Variants in NXN observed in about 807,000 individuals in gnomAD.
NXN encodes the protein nucleoredoxin 1.
A neutral mutation model predicts 48.6 loss-of-function variants in NXN; 16 were observed. The ratio of observed to expected loss-of-function variants is 0.33; its 90% CI spans 0.22 to 0.50. NXN has a LOEUF of 0.50. NXN is among the 20% of genes least tolerant of loss of function. The pLI is 0.98. For missense variants in NXN, 492 were observed against 605.5 expected (o/e 0.81, Z 1.97); for synonymous variants, 281 against 269.6 (o/e 1.04, Z -0.41).
chr17:843,413 C>T (rs920333846), intron 1 of NXN, among the ~76,000 whole-genome samples: 4 of 152,238 alleles, frequency 2.6e-5, no homozygotes, highest in African/African-American at 7.2e-5. Flanking sequence ...ACACCACAGA[C>T]GGAGGGAAAG....
chr17:803,578 C>G, intron 7 of NXN, 104 bp downstream of exon 7: 35 of 1,451,082 alleles, frequency 2.4e-5, no homozygotes, highest in African/African-American at 1.4e-5. Flanking sequence ...GCACAGGCAG[C>G]CCTGACCCTG....
At position 800,869 on chromosome 17, in the gene NXN, G is replaced by T; in HGVS notation, c.*80C>A. On this transcript the variant is annotated 3_prime_UTR_variant, in exon 8 of 8. Transcript: ENST00000336868. ...GGTGGTGGGATTCGGGGCACGCTGG[G>T]TAAGTCCAAGGGCGGAAGGAAGGAG... The T allele has an allele frequency of 9.6e-7, 1 of 1,042,432 alleles. No homozygotes were observed. The highest frequency in any genetic ancestry group is 1.3e-6 in the Non-Finnish European group (1 of 778,348). 64.6% of individuals were successfully genotyped at this position (1,042,432 alleles called of 1,614,324 possible). A position where few individuals can be genotyped will look rare whatever the true frequency, so the allele number is the denominator to read the frequency against.
chr17:912,281 T>C (rs73975587), intron 1 of NXN, among the ~76,000 whole-genome samples: 16,651 of 151,990 alleles, frequency 0.11, 1,032 homozygotes, highest in Middle Eastern at 0.24. Context: ...AAAAAATCTG[T>C]GTATAAATGG....
rs759317836 is a variant in NXN, at chr17:979,467, C to T, written c.212G>A (p.Gly71Glu). The change falls in exon 1 of 8, where the codon GGA becomes GAA. Residue 71 changes from glycine (G) to glutamate (E), a missense_variant. Physicochemically the swap from Gly to Glu is moderately conservative, Grantham distance 98. Around this residue, in one of 3 missense-constraint regions of NXN, gnomAD observed 186 missense variants for 199.1 expected, o/e 0.93. Coordinates refer to ENST00000336868, the MANE Select transcript of NXN (RefSeq NM_022463.5). The part of the protein sequence containing the change: ...RGDAAAGPGP[G>E]AGAGAAAEPE... ...CTCCGCCGCCGCCCCGGCCCCCGCTCCCGGCCCCGGCCCGGCCGCCGCGTC... is the reference window on the plus strand; with the variant it reads ...CTCCGCCGCCGCCCCGGCCCCCGCTTCCGGCCCCGGCCCGGCCGCCGCGTC... 13 of 1,177,830 alleles carry T rather than the reference C, an allele frequency of 1.1e-5. No individual in the cohort carries two copies. The highest frequency in any genetic ancestry group is 1.4e-5 in the Non-Finnish European group (13 of 953,630). The allele number at this position is 1,177,830 out of a possible 1,614,324, so 73.0% of individuals were successfully genotyped here.
intron 1 of NXN, among the ~76,000 whole-genome samples, chr17:894,880 T>C (rs1427801984): frequency 6.6e-6 from 1 of 152,140 alleles, no homozygotes; most frequent in Non-Finnish European, 1.5e-5. Context: ...CTTCAGGCAT[T>C]TGCATGGCTG....
At position 821,798 on chromosome 17, in the gene NXN, A is replaced by C. The variant is rs1166597806; in HGVS notation, c.713+559T>G. 5.3e-5 allele frequency among the ~76,000 whole-genome samples: 8 copies of C among 152,064 alleles called. No individual in the cohort carries two copies. In the South Asian group the frequency reaches 1.2e-3, roughly 24 times the overall value. On this transcript the variant is annotated intron_variant, in intron 4 of 7. Transcript: ENST00000336868. ...AACAGCCATCCAAGACAGGTGTCTGATTACATTCGTCTCTGGCTCTTTTCC... is the reference window on the plus strand; with the variant it reads ...AACAGCCATCCAAGACAGGTGTCTGCTTACATTCGTCTCTGGCTCTTTTCC...
chr17:811,509 T>TG (rs112363540), intron 5 of NXN, among the ~76,000 whole-genome samples: 11,420 of 143,120 alleles, frequency 0.08, 521 homozygotes, highest in African/African-American at 0.13. Flanking sequence ...GCCCCGGGGT[T>TG]GGGGGGGGGG....
At chr17:925,369 C>T (rs550823613) in intron 1 of NXN, among the ~76,000 whole-genome samples, 53 of 152,280 alleles carry the variant, frequency 3.5e-4, no homozygotes, top group African/African-American at 1.3e-3. Context: ...ACAGAGGAGG[C>T]TGGAGAGGCT....
chr17:841,483 C>CA (rs1914239664), intron 1 of NXN, among the ~76,000 whole-genome samples: 1 of 145,786 alleles, frequency 6.9e-6, no homozygotes. Flanking sequence ...CGAGCAGGTC[C>CA]CCCCTGACCA....
intron 5 of NXN, among the ~76,000 whole-genome samples, chr17:812,767 A>C (rs897046832): frequency 7.4e-6 from 1 of 134,346 alleles, no homozygotes; most frequent in Non-Finnish European, 1.6e-5. Context: ...CATATGTGTG[A>C]GTGTAGGTGT....
At chr17:803,604 A>G (rs1911322197) in intron 7 of NXN, 78 bp downstream of exon 7, 1 of 1,590,708 alleles carries the variant, frequency 6.3e-7, no homozygotes, top group South Asian at 1.1e-5. Context: ...CTTTCAGGCA[A>G]CCCTGGGGCC....
chr17:975,600 C>G (rs1230304946), intron 1 of NXN, among the ~76,000 whole-genome samples: 1 of 152,158 alleles, frequency 6.6e-6, no homozygotes, highest in Admixed American at 6.5e-5. Flanking sequence ...CTTTGTCATG[C>G]AGGAAGTCCT....
intron 5 of NXN, among the ~76,000 whole-genome samples, chr17:810,644 C>A (rs1327128925): frequency 6.6e-6 from 1 of 152,186 alleles, no homozygotes; most frequent in African/African-American, 2.4e-5. Context: ...AATCCTGGCA[C>A]TTTGGAAGCC....
chr17:837,048 A>G (rs916797808), intron 1 of NXN, among the ~76,000 whole-genome samples: 6 of 147,776 alleles, frequency 4.1e-5, no homozygotes, highest in Non-Finnish European at 7.5e-5. Context: ...ACACAATCAT[A>G]GCTCACTGCA....
At chr17:939,333 T>C (rs532020591) in intron 1 of NXN, among the ~76,000 whole-genome samples, 6 of 149,188 alleles carry the variant, frequency 4.0e-5, no homozygotes, top group Non-Finnish European at 8.9e-5. Flanking sequence ...CACGTAACTA[T>C]TAGAAATCAG....
chr17:977,209 A>G (rs2069471332), intron 1 of NXN, among the ~76,000 whole-genome samples: 1 of 152,182 alleles, frequency 6.6e-6, no homozygotes, highest in African/African-American at 2.4e-5. Context: ...GAAAGAAACT[A>G]CCTCCTTGAA....
chr17:856,584 G>A (rs1216323407), intron 1 of NXN, among the ~76,000 whole-genome samples: 4 of 148,326 alleles, frequency 2.7e-5, no homozygotes, highest in Non-Finnish European at 5.9e-5. Flanking sequence ...TCCGCCTCCC[G>A]GGTTCAAGTG....
chr17:976,556 G>A (rs562593571), intron 1 of NXN, among the ~76,000 whole-genome samples: 149 of 152,242 alleles, frequency 9.8e-4, no homozygotes, highest in African/African-American at 3.4e-3. Flanking sequence ...TATCATTGGC[G>A]AAATGACACG....
intron 1 of NXN, among the ~76,000 whole-genome samples, chr17:873,363 G>C (rs1296366827): frequency 1.3e-5 from 2 of 151,828 alleles, no homozygotes; most frequent in African/African-American, 2.4e-5. Context: ...CAGGTGTGGT[G>C]GGGGGTGCCT....
Sources: gnomAD v4.1 joint callset for allele counts (sites outside exome capture counted in the v4.1 genomes callset) on GRCh38, gnomAD v4.1.1 for gene constraint, gnomAD v4.1.1 regional missense constraint, MANE v1.5 for transcripts, NCBI Gene and HGNC (gene_info 2026-07-23, HGNC 2026-07-21) for gene names.